Variants in GPHN observed in about 807,000 individuals in gnomAD.
GPHN encodes the protein gephyrin.
A neutral mutation model predicts 95.5 loss-of-function variants in GPHN; 17 were observed. The ratio of observed to expected loss-of-function variants is 0.18; its 90% confidence interval spans 0.12 to 0.27. The LOEUF (loss-of-function observed/expected upper bound fraction) is 0.27. Ranked by LOEUF, GPHN falls within the 10% of genes least tolerant of loss-of-function variation. The pLI, the probability that GPHN is intolerant of heterozygous loss-of-function variation, is 1.00. For synonymous variants in GPHN, 320 were observed against 322.5 expected (o/e 0.99, Z 0.08); for missense variants, 660 against 978.1 (o/e 0.67, Z 4.34).
At chr14:67,552,121 G>T in the GPHN span, among the ~76,000 whole-genome samples, 13 of 152,210 alleles carry the variant, frequency 8.5e-5, no homozygotes, top group Non-Finnish European at 2.9e-5. Flanking sequence ...GCTGCAGCCA[G>T]TTCTAGGGCA....
the GPHN span, among the ~76,000 whole-genome samples, chr14:67,370,905 G>A: frequency 6.6e-6 from 1 of 151,942 alleles, no homozygotes; most frequent in African/African-American, 2.4e-5. Context: ...TGCACCTCTA[G>A]TCAGTTCCAG....
chr14:67,366,969 G>C, the GPHN span, among the ~76,000 whole-genome samples: 12,138 of 151,988 alleles, frequency 0.08, 1,152 homozygotes, highest in African/African-American at 0.23. Flanking sequence ...GGCGAGAGTT[G>C]TAGACAACCA....
the GPHN span, chr14:67,645,905 T>C: frequency 3.1e-6 from 4 of 1,290,474 alleles, no homozygotes; most frequent in African/African-American, 4.4e-5. Context: ...TGAGTGTGGA[T>C]TACCACTCCT....
intron 8 of GPHN, among the ~76,000 whole-genome samples, chr14:66,936,430 T>G (rs1179987054): frequency 6.6e-6 from 1 of 152,002 alleles, no homozygotes; most frequent in Non-Finnish European, 1.5e-5. Context: ...TTGAAATACT[T>G]AAGTGATAAG....
At chr14:67,314,695 A>G in the GPHN span, among the ~76,000 whole-genome samples, 1 of 152,274 alleles carries the variant, frequency 6.6e-6, no homozygotes, top group Non-Finnish European at 1.5e-5. Context: ...CTGAAAGTAT[A>G]TAGATTCCAA....
the GPHN span, chr14:67,199,027 A>G: frequency 1.4e-6 from 1 of 720,644 alleles, no homozygotes; most frequent in Non-Finnish European, 2.5e-6. Context: ...AGACACTTCA[A>G]AAGGCAAGAA....
chr14:67,612,804 G>C, the GPHN span, among the ~76,000 whole-genome samples: 4 of 152,096 alleles, frequency 2.6e-5, no homozygotes, highest in Non-Finnish European at 5.9e-5. Flanking sequence ...AATTAGCCAG[G>C]GGTGGTGGCT....
At chr14:67,336,707 A>G in the GPHN span, 2 of 455,874 alleles carry the variant, frequency 4.4e-6, no homozygotes, top group South Asian at 3.1e-5. Context: ...TCATCTGCAA[A>G]GTGGAGATGG....
the GPHN span, among the ~76,000 whole-genome samples, chr14:67,324,995 C>CCCAGG: frequency 6.7e-6 from 1 of 150,126 alleles, no homozygotes; most frequent in Non-Finnish European, 1.5e-5. Context: ...AGCTCCGCCT[C>CCCAGG]CCAGGTTCAC....
At chr14:66,711,915 T>C (rs954231248) in intron 2 of GPHN, among the ~76,000 whole-genome samples, 1 of 152,186 alleles carries the variant, frequency 6.6e-6, no homozygotes, top group Non-Finnish European at 1.5e-5. Context: ...GCAAAGGACA[T>C]GAACTCATCC....
At chr14:67,338,811 A>C in the GPHN span, 1 of 1,519,002 alleles carries the variant, frequency 6.6e-7, no homozygotes, top group Non-Finnish European at 9.0e-7. Flanking sequence ...TTTCAATATT[A>C]AGTAGATTTG....
intron 3 of GPHN, among the ~76,000 whole-genome samples, chr14:66,786,269 C>CA (rs1566943693): frequency 1.3e-5 from 2 of 152,038 alleles, no homozygotes; most frequent in Non-Finnish European, 2.9e-5. Flanking sequence ...ACTTCATACT[C>CA]ATAAATTGTA....
the GPHN span, chr14:67,587,227 T>C: frequency 3.1e-6 from 5 of 1,613,638 alleles, no homozygotes; most frequent in African/African-American, 2.7e-5. Context: ...GGGGCCAACG[T>C]TGCTGTGAAT....
chr14:66,564,844 C>G (rs904954558), intron 1 of GPHN, among the ~76,000 whole-genome samples: 2 of 152,060 alleles, frequency 1.3e-5, no homozygotes, highest in Non-Finnish European at 2.9e-5. Context: ...ACCCTACTAT[C>G]AAATAATATT....
chr14:67,442,876 G>T, the GPHN span, among the ~76,000 whole-genome samples: 1 of 152,188 alleles, frequency 6.6e-6, no homozygotes, highest in Admixed American at 6.5e-5. Flanking sequence ...GGAAGATTTT[G>T]TTGTGTGTGA....
intron 1 of GPHN, among the ~76,000 whole-genome samples, chr14:66,676,767 GT>G (rs1039815539): frequency 3.4e-5 from 5 of 148,488 alleles, no homozygotes; most frequent in Middle Eastern, 6.4e-3. Flanking sequence ...CTGACCTCTA[GT>G]TTTTTTTGTG....
intron 2 of GPHN, among the ~76,000 whole-genome samples, chr14:66,740,243 A>T (rs879282880): frequency 5.3e-5 from 8 of 152,222 alleles, no homozygotes; most frequent in Middle Eastern, 6.8e-3. Context: ...AAAAGGAAAA[A>T]CATTATGTGC....
At chr14:67,109,689 A>G (rs755264305) in intron 13 of GPHN, among the ~76,000 whole-genome samples, 6 of 152,238 alleles carry the variant, frequency 3.9e-5, no homozygotes, top group Non-Finnish European at 5.9e-5. Flanking sequence ...CAAAAAGTTT[A>G]GTTAATAAAG....
intron 8 of GPHN, among the ~76,000 whole-genome samples, chr14:66,936,551 GA>G (rs1181092256): frequency 2.6e-5 from 4 of 152,188 alleles, no homozygotes; most frequent in African/African-American, 9.7e-5. Flanking sequence ...TGTGGAGTAA[GA>G]AGAATATATA....
Sources: allele counts gnomAD v4.1 joint callset (sites outside exome capture counted in the v4.1 genomes callset), GRCh38; gene constraint gnomAD v4.1.1; transcripts MANE v1.5; gene names NCBI Gene and HGNC (gene_info 2026-07-23, HGNC 2026-07-21).